Variants in PDSS2 observed in about 807,000 individuals in gnomAD.
The protein encoded by PDSS2 is decaprenyl diphosphate synthase subunit 2.
A neutral mutation model predicts 44.5 loss-of-function variants in PDSS2; 31 were observed. That is an observed-to-expected ratio of 0.70 (90% CI 0.52 to 0.94). The LOEUF (loss-of-function observed/expected upper bound fraction) is 0.94, where lower values mean the gene tolerates loss of function less well. PDSS2 is among the 40% of genes least tolerant of loss of function. The pLI, the probability that PDSS2 is intolerant of heterozygous loss-of-function variation, is 0.00. For missense variants in PDSS2, 452 were observed against 482.2 expected, an observed-to-expected ratio of 0.94 and a Z score of 0.59; for synonymous variants, 157 against 180.3, an observed-to-expected ratio of 0.87 and a Z score of 1.03.
intron 2 of PDSS2, among the ~76,000 whole-genome samples, chr6:107,310,253 C>A (rs1776997202): frequency 7.0e-6 from 1 of 143,524 alleles, no homozygotes; most frequent in African/African-American, 2.6e-5. Flanking sequence ...CTACTGCACT[C>A]CAGCATGGGC....
At chr6:107,374,269 A>AT (rs2114407944) in intron 1 of PDSS2, among the ~76,000 whole-genome samples, 1 of 151,848 alleles carries the variant, frequency 6.6e-6, no homozygotes, top group African/African-American at 2.4e-5. Context: ...AAAAAAAAAA[A>AT]AAAAAATCAC....
chr6:107,202,238 C>T (rs1188784746), intron 6 of PDSS2, among the ~76,000 whole-genome samples: 3 of 152,058 alleles, frequency 2.0e-5, no homozygotes, highest in Non-Finnish European at 4.4e-5. Context: ...TGGGATCTTG[C>T]TATGTTGCCT....
In PDSS2 at chr6:107,282,378, G is replaced by A. The variant is rs911261310; in HGVS notation, c.432-8151C>T. On this transcript the variant is annotated intron_variant, in intron 2 of 7. Transcript: ENST00000369037. ...GATTAGTGGTAACTACTTCACAGGA[G>A]CCATGTCAGCTGATGAACAGTTTTT... Among the ~76,000 whole-genome samples the A allele has an allele frequency of 2.0e-5, 3 of 152,056 alleles. No homozygotes were observed. In the East Asian group the frequency reaches 5.9e-4, roughly 30 times the overall value.
chr6:107,208,646 G>A (rs538338622), intron 6 of PDSS2, among the ~76,000 whole-genome samples: 15 of 141,504 alleles, frequency 1.1e-4, no homozygotes, highest in African/African-American at 3.9e-4. Flanking sequence ...TTTAGCTCTT[G>A]TCGCTCAGGC....
intron 2 of PDSS2, among the ~76,000 whole-genome samples, chr6:107,330,571 A>G (rs145015867): frequency 1.6e-4 from 25 of 152,322 alleles, no homozygotes; most frequent in African/African-American, 5.3e-4. Flanking sequence ...CTTAATAATC[A>G]TATCATGAGA....
chr6:107,377,942 C>T (rs944708870), intron 1 of PDSS2, among the ~76,000 whole-genome samples: 22 of 151,316 alleles, frequency 1.5e-4, no homozygotes, highest in African/African-American at 4.9e-4. Flanking sequence ...TGCTAAATGA[C>T]GAGTTAATGG....
chr6:107,284,435 C>T (rs956304380), intron 2 of PDSS2, among the ~76,000 whole-genome samples: 2 of 151,990 alleles, frequency 1.3e-5, no homozygotes. Flanking sequence ...CCAACACAGG[C>T]GGATCACCTG....
At chr6:107,435,157 T>C (rs1289645887) in intron 1 of PDSS2, among the ~76,000 whole-genome samples, 1 of 151,972 alleles carries the variant, frequency 6.6e-6, no homozygotes, top group Non-Finnish European at 1.5e-5. Flanking sequence ...TACACATCTG[T>C]AGTCCTAGCT....
At chr6:107,161,482 GAAA>G (rs529825329) in intron 7 of PDSS2, among the ~76,000 whole-genome samples, 4 of 119,694 alleles carry the variant, frequency 3.3e-5, no homozygotes, top group African/African-American at 3.4e-5. Flanking sequence ...TCCGTCTCAG[GAAA>G]AAAAAAAAAA....
intron 3 of PDSS2, among the ~76,000 whole-genome samples, chr6:107,256,685 T>C (rs946572539): frequency 3.3e-5 from 5 of 152,190 alleles, no homozygotes; most frequent in African/African-American, 1.2e-4. Flanking sequence ...ACTAGTACTG[T>C]GTTCTAAAAA....
intron 4 of PDSS2, 131 bp from the exon 5 acceptor site, chr6:107,212,413 A>G: frequency 4.3e-6 from 3 of 695,696 alleles, no homozygotes; most frequent in Non-Finnish European, 7.1e-6. Context: ...AGACAGAACT[A>G]AAAGATGCCT....
chr6:107,211,345 C>T (rs995181468), intron 5 of PDSS2, among the ~76,000 whole-genome samples: 12 of 151,906 alleles, frequency 7.9e-5, no homozygotes, highest in Admixed American at 7.2e-4. Context: ...TTTCATATGC[C>T]CATTCAAAGA....
intron 2 of PDSS2, among the ~76,000 whole-genome samples, chr6:107,298,894 C>T (rs928370553): frequency 2.0e-5 from 3 of 152,074 alleles, no homozygotes; most frequent in African/African-American, 7.2e-5. Flanking sequence ...GTAATCCTAG[C>T]ACTTTGGGAG....
At chr6:107,308,267 A>G (rs1776926409) in intron 2 of PDSS2, among the ~76,000 whole-genome samples, 1 of 152,252 alleles carries the variant, frequency 6.6e-6, no homozygotes, top group African/African-American at 2.4e-5. Flanking sequence ...GTAACTTAAA[A>G]GAGAACAGGT....
intron 2 of PDSS2, among the ~76,000 whole-genome samples, chr6:107,310,656 C>T (rs1582924842): frequency 6.6e-6 from 1 of 152,198 alleles, no homozygotes. Context: ...TGCCTACAGA[C>T]CTCCAACTAC....
At chr6:107,451,595 C>A (rs897625852) in intron 1 of PDSS2, among the ~76,000 whole-genome samples, 23 of 152,140 alleles carry the variant, frequency 1.5e-4, no homozygotes, top group Non-Finnish European at 3.4e-4. Flanking sequence ...TTATCTCAAG[C>A]AGCAGAGCAT....
chr6:107,352,697 T>A (rs559284357), intron 1 of PDSS2, among the ~76,000 whole-genome samples: 23 of 152,300 alleles, frequency 1.5e-4, no homozygotes, highest in African/African-American at 5.5e-4. Flanking sequence ...GAGAAGTGGT[T>A]CTTAACTCGG....
At chr6:107,306,286 C>T (rs534639847) in intron 2 of PDSS2, among the ~76,000 whole-genome samples, 7 of 152,204 alleles carry the variant, frequency 4.6e-5, no homozygotes, top group Admixed American at 1.3e-4. Context: ...AGGTCTTTCC[C>T]GTGCTGTTCT....
At chr6:107,411,782 C>T (rs779546715) in intron 1 of PDSS2, among the ~76,000 whole-genome samples, 24 of 151,524 alleles carry the variant, frequency 1.6e-4, no homozygotes, top group Middle Eastern at 3.4e-3. Flanking sequence ...TTTTATATAA[C>T]GGAATTGAGC....
Sources: allele counts gnomAD v4.1 joint callset (sites outside exome capture counted in the v4.1 genomes callset), GRCh38; gene constraint gnomAD v4.1.1; transcripts MANE v1.5; gene names NCBI Gene and HGNC (gene_info 2026-07-23, HGNC 2026-07-21).